The following GABRB2 variants were observed in gnomAD, a reference collection of about 807,000 sequenced individuals.
The protein encoded by GABRB2 is gamma-aminobutyric acid type A receptor subunit beta2, also known as gamma-aminobutyric acid receptor subunit beta-2.
Under a neutral mutation model 54.7 loss-of-function variants are expected in GABRB2, and 16 were observed. The ratio of observed to expected loss-of-function variants is 0.29; its 90% CI spans 0.20 to 0.44. GABRB2 has a LOEUF of 0.44. Among genes scored for constraint, GABRB2 ranks in the 20% least tolerant of loss-of-function variants. The pLI is 1.00. For missense variants in GABRB2, 355 were observed against 644.0 expected (o/e 0.55, Z 4.86); for synonymous variants, 244 against 233.8 (o/e 1.04, Z -0.40).
chr5:161,517,895 C>G (rs1047755049), intron 3 of GABRB2, among the ~76,000 whole-genome samples: 15 of 151,838 alleles, frequency 9.9e-5, no homozygotes, highest in Non-Finnish European at 1.9e-4. Context: ...CTCCCGGGTT[C>G]ACACCAGACT....
intron 5 of GABRB2, 97 bp from the exon 6 acceptor site, chr5:161,336,866 C>CT: frequency 7.8e-7 from 1 of 1,279,260 alleles, no homozygotes; most frequent in Non-Finnish European, 1.1e-6. Flanking sequence ...AGAAGATGAC[C>CT]TATATAAATA....
chr5:161,472,392 C>T (rs558774780), intron 3 of GABRB2, among the ~76,000 whole-genome samples: 14 of 151,664 alleles, frequency 9.2e-5, no homozygotes, highest in African/African-American at 3.4e-4. Context: ...TTCTATTACC[C>T]TCCACCTTCC....
chr5:161,390,646 G>C (rs909809906), intron 5 of GABRB2, among the ~76,000 whole-genome samples: 1 of 152,024 alleles, frequency 6.6e-6, no homozygotes, highest in African/African-American at 2.4e-5. Flanking sequence ...AGGAATCTCT[G>C]TACTATATTT....
intron 3 of GABRB2, among the ~76,000 whole-genome samples, chr5:161,485,333 T>C (rs893101359): frequency 1.3e-5 from 2 of 152,010 alleles, no homozygotes; most frequent in Admixed American, 1.3e-4. Context: ...AGAGACTATG[T>C]CTGCCATATT....
chr5:161,491,165 T>C (rs866672325), intron 3 of GABRB2, among the ~76,000 whole-genome samples: 1 of 151,416 alleles, frequency 6.6e-6, no homozygotes, highest in South Asian at 2.1e-4. Flanking sequence ...GTCAGAAAAA[T>C]AGTAATAATA....
At chr5:161,498,333 CAG>C (rs1759320273) in intron 3 of GABRB2, among the ~76,000 whole-genome samples, 2 of 126,534 alleles carry the variant, frequency 1.6e-5, no homozygotes, top group Admixed American at 8.9e-5. Flanking sequence ...AAAGTTGAGA[CAG>C]AGTCAAAATC....
At chr5:161,416,534 T>C (rs1489715174) in intron 4 of GABRB2, among the ~76,000 whole-genome samples, 1 of 150,794 alleles carries the variant, frequency 6.6e-6, no homozygotes, top group Non-Finnish European at 1.5e-5. Context: ...ACCATCCAAT[T>C]ATTCCACGAG....
intron 3 of GABRB2, among the ~76,000 whole-genome samples, chr5:161,477,405 T>A (rs899250142): frequency 2.6e-5 from 4 of 151,548 alleles, no homozygotes; most frequent in African/African-American, 9.7e-5. Flanking sequence ...TGGCTGTTCC[T>A]AAAAACATAA....
intron 3 of GABRB2, among the ~76,000 whole-genome samples, chr5:161,472,568 T>G (rs1758475465): frequency 6.6e-6 from 1 of 151,918 alleles, no homozygotes; most frequent in Admixed American, 6.6e-5. Context: ...TTCTGTGTGA[T>G]TTGAACTCTG....
At chr5:161,298,080 T>C (rs1757434916) in intron 9 of GABRB2, among the ~76,000 whole-genome samples, 1 of 152,228 alleles carries the variant, frequency 6.6e-6, no homozygotes, top group Non-Finnish European at 1.5e-5. Flanking sequence ...AAATGTCTTC[T>C]TTTGGGAAGC....
intron 3 of GABRB2, among the ~76,000 whole-genome samples, chr5:161,473,787 C>A (rs1402922189): frequency 6.6e-6 from 1 of 151,920 alleles, no homozygotes; most frequent in Admixed American, 6.6e-5. Flanking sequence ...TAAGTGGCAC[C>A]TCAGTATTTG....
At chr5:161,520,195 G>A (rs1451775468) in intron 3 of GABRB2, among the ~76,000 whole-genome samples, 8 of 152,030 alleles carry the variant, frequency 5.3e-5, no homozygotes, top group Admixed American at 5.2e-4. Flanking sequence ...TGTATAATTA[G>A]GAAGTATGTC....
At chr5:161,341,738 A>G (rs942443404) in intron 5 of GABRB2, among the ~76,000 whole-genome samples, 4 of 151,126 alleles carry the variant, frequency 2.6e-5, no homozygotes, top group African/African-American at 9.7e-5. Flanking sequence ...ACATTATCTG[A>G]TTATATAACA....
At chr5:161,403,378 C>A (rs1418233822) in intron 5 of GABRB2, among the ~76,000 whole-genome samples, 2 of 152,146 alleles carry the variant, frequency 1.3e-5, no homozygotes, top group African/African-American at 2.4e-5. Flanking sequence ...ATGCCCAGAT[C>A]TCCTCCTGTA....
intron 5 of GABRB2, among the ~76,000 whole-genome samples, chr5:161,375,858 G>A (rs540104426): frequency 1.3e-5 from 2 of 152,234 alleles, no homozygotes; most frequent in East Asian, 3.9e-4. Context: ...TGACTAGGAT[G>A]ATGATTCTTG....
chr5:161,313,319 T>C (rs773676593), intron 9 of GABRB2, among the ~76,000 whole-genome samples: 2 of 152,164 alleles, frequency 1.3e-5, no homozygotes, highest in Non-Finnish European at 2.9e-5. Flanking sequence ...TGTAATTCTA[T>C]GGTAGACACA....
At chr5:161,294,486 CT>C in intron 9 of GABRB2, 58 bp from the exon 10 acceptor site, 1 of 1,433,946 alleles carries the variant, frequency 7.0e-7, no homozygotes, top group Non-Finnish European at 9.7e-7. Context: ...CAGGTGCTTA[CT>C]AGGCAAGGCA....
intron 4 of GABRB2, among the ~76,000 whole-genome samples, chr5:161,441,528 C>T (rs1342046151): frequency 6.6e-6 from 1 of 152,160 alleles, no homozygotes; most frequent in Non-Finnish European, 1.5e-5. Context: ...AGTATAACCA[C>T]TATGGAGAAC....
chr5:161,488,216 G>A (rs946231406), intron 3 of GABRB2, among the ~76,000 whole-genome samples: 7 of 143,942 alleles, frequency 4.9e-5, no homozygotes, highest in Non-Finnish European at 9.2e-5. Flanking sequence ...GTGGATTGGA[G>A]TTTTGCTTTT....
Sources: allele counts gnomAD v4.1 joint callset (sites outside exome capture counted in the v4.1 genomes callset), GRCh38; gene constraint gnomAD v4.1.1; transcripts MANE v1.5; gene names NCBI Gene and HGNC (gene_info 2026-07-23, HGNC 2026-07-21).